MRPS11: variants seen among roughly 807,000 people sequenced by gnomAD.
The protein encoded by MRPS11 is mitochondrial ribosomal protein S11, also known as small ribosomal subunit protein uS11m.
In MRPS11, 27 loss-of-function variants were observed where a neutral mutation model predicts 24.3. That is an observed-to-expected ratio of 1.11 (90% CI 0.82 to 1.53). The LOEUF (loss-of-function observed/expected upper bound fraction) is 1.53. Among genes scored for constraint, MRPS11 ranks in the 40% most tolerant of loss-of-function variants. The pLI is 0.00. For missense variants in MRPS11, 277 were observed against 256.5 expected (o/e 1.08, Z -0.55); for synonymous variants, 104 against 98.7 (o/e 1.05, Z -0.32).
rs1166979610 is a variant in MRPS11, at chr15:88,479,980, T to A, written c.*2001T>A. 1.3e-5 allele frequency: 2 copies of A among 152,302 alleles called. No individual in the cohort carries two copies. 9.4% of individuals were successfully genotyped at this position (152,302 alleles called of 1,614,324 possible). A position where few individuals can be genotyped will look rare whatever the true frequency, so the allele number is the denominator to read the frequency against. ...AGCTGCCACAGCAGCAGAGTGCACC[T>A]CTGCCAAAACCATGGCCTGAGGGAG... On this transcript the variant is annotated 3_prime_UTR_variant, in exon 6 of 6. Coordinates refer to ENST00000325844, the MANE Select transcript of MRPS11 (RefSeq NM_022839.5).
intron 1 of MRPS11, 29 bp downstream of exon 1, chr15:88,467,811 C>T (rs2055577452): frequency 4.3e-6 from 7 of 1,613,806 alleles, no homozygotes; most frequent in Admixed American, 1.7e-5. Flanking sequence ...CTCGAGCCCA[C>T]CGCCACCTCC....
At position 88,475,366 on chromosome 15, in the gene MRPS11, C is replaced by T. The variant is rs2055800747; in HGVS notation, c.411+127C>T. 7.5e-7 allele frequency: 1 copy of T among 1,341,988 alleles called. No individual in the cohort carries two copies. The highest frequency in any genetic ancestry group is 1.0e-6 in the Non-Finnish European group (1 of 982,574). 83.1% of individuals were successfully genotyped at this position (1,341,988 alleles called of 1,614,324 possible). On this transcript the variant is annotated intron_variant, in intron 4 of 5. Transcript: ENST00000325844. The surrounding 1 kb of genome is among the most constrained non-coding windows in gnomAD (Gnocchi z 4.1). ...GGGTTTGTCATGGCAGCTTTGATGC[C>T]CTGATTGGAGCATTGGTTTGAAAAG...
rs139450964 is a variant in MRPS11, at chr15:88,477,969, G to C, written c.575G>C (p.Arg192Pro). Residue 192 changes from arginine to proline, a missense_variant, in exon 6 of 6, where the codon CGG becomes CCG. Arg to Pro is a moderately radical substitution (Grantham distance 103, BLOSUM62 -2). Coordinates refer to ENST00000325844, the MANE Select transcript of MRPS11 (RefSeq NM_022839.5). The surrounding 1 kb of genome is among the most constrained non-coding windows in gnomAD (Gnocchi z 5.7). ...PHNGCRPRKARKL is the reference protein window; with the variant it reads ...PHNGCRPRKAPKL ...AACGGCTGCCGCCCCAGGAAGGCTCGGAAGCTGTGATGGGAAGGAGGCCTG... is the reference window on the plus strand; with the variant it reads ...AACGGCTGCCGCCCCAGGAAGGCTCCGAAGCTGTGATGGGAAGGAGGCCTG... The C allele has an allele frequency of 2.5e-6, 4 of 1,614,106 alleles. No individual in the cohort carries two copies. In the Admixed American group the frequency reaches 5.0e-5, roughly 20 times the overall value.
Position 88,475,397 on chromosome 15 carries a change from G to GT in MRPS11, c.411+159dup, listed in dbSNP as rs2055801388. ...TGGAGCATTGGTTTGAAAAGGTTTAGTGAAAGGCTCCTCTTTTTTCTTTCT... is the reference window on the plus strand; with the variant it reads ...TGGAGCATTGGTTTGAAAAGGTTTAGTTGAAAGGCTCCTCTTTTTTCTTTCT... On this transcript the variant is annotated intron_variant, in intron 4 of 5. Transcript: ENST00000325844. The surrounding 1 kb of genome is among the most constrained non-coding windows in gnomAD (Gnocchi z 4.1). 6.6e-6 allele frequency among the ~76,000 whole-genome samples: 1 copy of GT among 152,254 alleles called. No homozygotes were observed. The highest frequency in any genetic ancestry group is 2.1e-4 in the South Asian group (1 of 4,836).
intron 2 of MRPS11, among the ~76,000 whole-genome samples, chr15:88,470,394 G>C (rs925005693): frequency 1.3e-5 from 2 of 152,170 alleles, no homozygotes; most frequent in African/African-American, 4.8e-5. Flanking sequence ...AGACATCATA[G>C]AGATGATATT....
At chr15:88,470,054 C>G (rs2055656626) in intron 2 of MRPS11, among the ~76,000 whole-genome samples, 1 of 152,136 alleles carries the variant, frequency 6.6e-6, no homozygotes, top group Non-Finnish European at 1.5e-5. Context: ...CGGTGGCTCA[C>G]ACCTGTAATC....
chr15:88,479,320 C>G lies in MRPS11; in HGVS notation c.*1341C>G, dbSNP rs951789746. On this transcript the variant is annotated 3_prime_UTR_variant, in exon 6 of 6. Coordinates refer to ENST00000325844, the MANE Select transcript of MRPS11 (RefSeq NM_022839.5). ...TCACCAGAAGCTGAGAAGGAGTGGTCAAGTACACAAAAGCACTGTTCCTCC... is the reference window on the plus strand; with the variant it reads ...TCACCAGAAGCTGAGAAGGAGTGGTGAAGTACACAAAAGCACTGTTCCTCC... 2 of 152,262 alleles carry G rather than the reference C, an allele frequency of 1.3e-5. No homozygotes were observed. Among genetic ancestry groups the G allele is most frequent in the African/African-American group, 2.4e-5 (1 of 41,432 alleles). The allele number at this position is 152,262 out of a possible 1,614,324, so 9.4% of individuals were successfully genotyped here. A position where few individuals can be genotyped will look rare whatever the true frequency, so the allele number is the denominator to read the frequency against.
chr15:88,467,938 C>T lies in MRPS11; in HGVS notation c.96C>T (p.Thr32=). ...GRVVARTPAG[T]ICTGARQLQD... is the part of the protein sequence containing the mutation. ...TCGTGGCCAGAACGCCGGCCGGGAC[C>T]ATCTGCACAGGCGCTCGACAGCTCC... Residue 32 remains threonine, a synonymous_variant, in exon 2 of 6, where the codon ACC becomes ACT. Coordinates refer to ENST00000325844, the MANE Select transcript of MRPS11 (RefSeq NM_022839.5). 1 of 1,613,604 alleles carries T rather than the reference C, an allele frequency of 6.2e-7. No individual in the cohort carries two copies. The highest frequency in any genetic ancestry group is 2.2e-5 in the East Asian group (1 of 44,862).
chr15:88,471,836 G>A lies in MRPS11; in HGVS notation c.183-791G>A, dbSNP rs140254111. On this transcript the variant is annotated intron_variant, in intron 2 of 5. Coordinates refer to ENST00000325844, the MANE Select transcript of MRPS11 (RefSeq NM_022839.5). ...CACATCTGATTCTATTGGGACATTT[G>A]CAACATTGATTTCCATACCCCATCC... 2.3e-3 allele frequency among the ~76,000 whole-genome samples: 354 copies of A among 152,306 alleles called. 6 individuals are homozygous for A. Among genetic ancestry groups the A allele is most frequent in the Admixed American group, 0.018 (270 of 15,296 alleles).
At position 88,468,012 on chromosome 15, in the gene MRPS11, A is replaced by C. The variant is rs760254324; in HGVS notation, c.170A>C (p.His57Pro). ...GTTGAACAGAACGCGGCTCCCAGCC[A>C]CACCAAGTTCAGGTGAGCCCCACTT... Reference protein sequence around the residue: ...QKVEQNAAPSHTKFSIYPPIP... With the variant: ...QKVEQNAAPSPTKFSIYPPIP... Residue 57 changes from histidine (H) to proline (P), a missense_variant, in exon 2 of 6, where the codon CAC becomes CCC. Physicochemically the swap from His to Pro is moderately conservative, Grantham distance 77. Transcript: ENST00000325844. The C allele has an allele frequency of 7.5e-6, 12 of 1,604,350 alleles. No individual in the cohort carries two copies. The highest frequency in any genetic ancestry group is 1.0e-5 in the Non-Finnish European group (12 of 1,175,530).
rs2055882490 is a variant in MRPS11 at position 88,479,124 on chromosome 15, A to T, written c.*1145A>T. On this transcript the variant is annotated 3_prime_UTR_variant, in exon 6 of 6. Coordinates refer to ENST00000325844, the MANE Select transcript of MRPS11 (RefSeq NM_022839.5). ...AGTGCAGAAAGCAAGTTGATAAGGA[A>T]CCTGGGTAGTGCTGGCAGTGGGGCA... The T allele has an allele frequency of 6.6e-6, 1 of 152,198 alleles. No homozygotes were observed. The highest frequency in any genetic ancestry group is 6.5e-5 in the Admixed American group (1 of 15,288). The allele number at this position is 152,198 out of a possible 1,614,324, so 9.4% of individuals were successfully genotyped here.
At chr15:88,472,871 C>T (rs541746061) in intron 3 of MRPS11, 146 bp downstream of exon 3, 5 of 578,556 alleles carry the variant, frequency 8.6e-6, no homozygotes, top group Admixed American at 3.3e-5. Flanking sequence ...CACCGTCTTC[C>T]TCCTCACTTG....
chr15:88,467,910 G>C lies in MRPS11; in HGVS notation c.68G>C (p.Arg23Thr). 6.2e-7 allele frequency: 1 copy of C among 1,613,756 alleles called. No homozygotes were observed. Among genetic ancestry groups the C allele is most frequent in the Non-Finnish European group, 8.5e-7 (1 of 1,180,006 alleles). ...CCTCACCGAGCTTTTCTTCCCAGCA[G>C]GGTCGTGGCCAGAACGCCGGCCGGG... ...RSWTWPQTAGRVVARTPAGTI... is the reference protein window; with the variant it reads ...RSWTWPQTAGTVVARTPAGTI... The change falls in exon 2 of 6, where the codon AGG becomes ACG. Residue 23 changes from arginine (R) to threonine (T), a missense_variant and splice_region_variant. Coordinates refer to ENST00000325844, the MANE Select transcript of MRPS11 (RefSeq NM_022839.5).
rs2055808853 is a variant in MRPS11, at chr15:88,475,742, G to A, written c.411+503G>A. Reference sequence around the variant, plus strand: ...CCCAGCACTTTGGGAGGCCAAGGCAGGCGTAAGAGATCGAGACCATCCTGG... The same window carrying A: ...CCCAGCACTTTGGGAGGCCAAGGCAAGCGTAAGAGATCGAGACCATCCTGG... On this transcript the variant is annotated intron_variant, in intron 4 of 5. Coordinates refer to ENST00000325844, the MANE Select transcript of MRPS11 (RefSeq NM_022839.5). This position sits in a 1 kb window ranked among gnomAD's most constrained non-coding sequence, Gnocchi z 4.1. 6.6e-6 allele frequency among the ~76,000 whole-genome samples: 1 copy of A among 152,134 alleles called. No homozygotes were observed. Among genetic ancestry groups the A allele is most frequent in the South Asian group, 2.1e-4 (1 of 4,832 alleles).
In MRPS11 at chr15:88,475,017, C is replaced by G. The variant is rs1381228526; in HGVS notation, c.282-93C>G. On this transcript the variant is annotated intron_variant, in intron 3 of 5. Coordinates refer to ENST00000325844, the MANE Select transcript of MRPS11 (RefSeq NM_022839.5). The surrounding 1 kb of genome is among the most constrained non-coding windows in gnomAD (Gnocchi z 4.1). ...AGTAGAAGCAACTGAATTCCTTTTT[C>G]TTTCTCACCCAGGCTTCTAGGGGCA... The G allele has an allele frequency of 6.9e-7, 1 of 1,449,450 alleles. No individual in the cohort carries two copies. Among genetic ancestry groups the G allele is most frequent in the Non-Finnish European group, 9.3e-7 (1 of 1,078,292 alleles). 89.8% of individuals were successfully genotyped at this position (1,449,450 alleles called of 1,614,324 possible). A position where few individuals can be genotyped will look rare whatever the true frequency, so the allele number is the denominator to read the frequency against.
In MRPS11 at chr15:88,478,118, A is replaced by G; in HGVS notation, c.*139A>G. 1 of 669,930 alleles carries G rather than the reference A, an allele frequency of 1.5e-6. No individual in the cohort carries two copies. Among genetic ancestry groups the G allele is most frequent in the Non-Finnish European group, 2.6e-6 (1 of 386,388 alleles). 41.5% of individuals were successfully genotyped at this position (669,930 alleles called of 1,614,324 possible). A position where few individuals can be genotyped will look rare whatever the true frequency, so the allele number is the denominator to read the frequency against. On this transcript the variant is annotated 3_prime_UTR_variant, in exon 6 of 6. Coordinates refer to ENST00000325844, the MANE Select transcript of MRPS11 (RefSeq NM_022839.5). This position sits in a 1 kb window ranked among gnomAD's most constrained non-coding sequence, Gnocchi z 4.7. ...GTAAGGGAGAGTTTTGCCTCCTTAC[A>G]CAGTGGCCTTTGCTTGCACCTCCAG...
chr15:88,471,943 G>T (rs1242364451), intron 2 of MRPS11, among the ~76,000 whole-genome samples: 1 of 152,206 alleles, frequency 6.6e-6, no homozygotes, highest in African/African-American at 2.4e-5. Context: ...ACTGGTCTAG[G>T]GTAGAGGTTG....
Position 88,469,593 on chromosome 15 carries a change from A to C in MRPS11, c.182+1569A>C, listed in dbSNP as rs2055642867. On this transcript the variant is annotated intron_variant, in intron 2 of 5. Transcript: ENST00000325844. This position sits in a 1 kb window ranked among gnomAD's most constrained non-coding sequence, Gnocchi z 4.4. ...CAGCTTTTACTGTGAATGAAATGGG[A>C]GGCCAATGGAAATTGCTGAATAAAG... 6.6e-6 allele frequency among the ~76,000 whole-genome samples: 1 copy of C among 152,198 alleles called. No individual in the cohort carries two copies. The highest frequency in any genetic ancestry group is 2.4e-5 in the African/African-American group (1 of 41,454).
In MRPS11 at chr15:88,469,525, A is replaced by G. The variant is rs1598289747; in HGVS notation, c.182+1501A>G. 2.0e-5 allele frequency among the ~76,000 whole-genome samples: 3 copies of G among 152,224 alleles called. No homozygotes were observed. Among genetic ancestry groups the G allele is most frequent in the Admixed American group, 2.0e-4 (3 of 15,280 alleles). ...GGAAGTGGGGGTCAAGCAGGCCTGC[A>G]TAGCCACATTCTGTAGGACTTTGTA... is the stretch of plus-strand genomic sequence containing the variant. On this transcript the variant is annotated intron_variant, in intron 2 of 5. Coordinates refer to ENST00000325844, the MANE Select transcript of MRPS11 (RefSeq NM_022839.5). The surrounding 1 kb of genome is among the most constrained non-coding windows in gnomAD (Gnocchi z 4.4).
Sources: gnomAD v4.1 joint callset for allele counts (sites outside exome capture counted in the v4.1 genomes callset) on GRCh38, gnomAD v4.1.1 for gene constraint, Gnocchi (gnomAD v3.1) non-coding constraint, MANE v1.5 for transcripts, NCBI Gene and HGNC (gene_info 2026-07-23, HGNC 2026-07-21) for gene names.